MBNL1: variants seen among roughly 807,000 people sequenced by gnomAD.
MBNL1 encodes the protein muscleblind like splicing regulator 1.
Under a neutral mutation model 42.2 loss-of-function variants are expected in MBNL1, and 8 were observed. The observed-to-expected ratio is 0.19, with a 90% CI of 0.11 to 0.34. The LOEUF is 0.34. Ranked by LOEUF, MBNL1 falls within the 10% of genes least tolerant of loss-of-function variation. The probability of loss-of-function intolerance (pLI) is 1.00; values close to 1 mark genes in which losing one functional copy is unlikely to be tolerated. For synonymous variants in MBNL1, 169 were observed against 173.9 expected (o/e 0.97, Z 0.22); for missense variants, 309 against 495.3 (o/e 0.62, Z 3.57).
At chr3:152,360,044 C>A (rs2095824940) in intron 2 of MBNL1, among the ~76,000 whole-genome samples, 1 of 152,180 alleles carries the variant, frequency 6.6e-6, no homozygotes, top group Non-Finnish European at 1.5e-5. Flanking sequence ...TCAGTATATT[C>A]TTTTGGCTTT....
intron 4 of MBNL1, among the ~76,000 whole-genome samples, chr3:152,435,339 C>G (rs1251074324): frequency 6.6e-6 from 1 of 152,122 alleles, no homozygotes; most frequent in African/African-American, 2.4e-5. Context: ...TGTTGGAGAT[C>G]AAATGGTTGT....
intron 2 of MBNL1, among the ~76,000 whole-genome samples, chr3:152,375,485 C>T (rs373776948): frequency 2.2e-4 from 33 of 152,234 alleles, no homozygotes; most frequent in Admixed American, 1.7e-3. Flanking sequence ...TGTGGTGGCT[C>T]ATGCCTGTAA....
At chr3:152,449,676 GTC>G (rs932556021) in intron 6 of MBNL1, among the ~76,000 whole-genome samples, 1 of 152,114 alleles carries the variant, frequency 6.6e-6, no homozygotes, top group Non-Finnish European at 1.5e-5. Context: ...AATCAAACTT[GTC>G]TCTCTGTGCT....
intron 2 of MBNL1, among the ~76,000 whole-genome samples, chr3:152,368,480 TCTTGG>T (rs2153224600): frequency 1.3e-5 from 2 of 152,288 alleles, no homozygotes; most frequent in African/African-American, 4.8e-5. Context: ...CTTAGAATTG[TCTTGG>T]CTTATACAGG....
intron 2 of MBNL1, among the ~76,000 whole-genome samples, chr3:152,260,645 A>C (rs559145630): frequency 6.6e-6 from 1 of 152,314 alleles, no homozygotes; most frequent in South Asian, 2.1e-4. Context: ...GGGTGCTTAT[A>C]ATCACAATTT....
chr3:152,252,348 T>C (rs1158434138), intron 2 of MBNL1, among the ~76,000 whole-genome samples: 1 of 143,566 alleles, frequency 7.0e-6, no homozygotes, highest in Non-Finnish European at 1.5e-5. Context: ...ACAACACTCC[T>C]TTTACATACA....
chr3:152,461,535 A>T (rs2153984083), intron 9 of MBNL1, among the ~76,000 whole-genome samples: 1 of 152,320 alleles, frequency 6.6e-6, no homozygotes, highest in Non-Finnish European at 1.5e-5. Context: ...AAAATTTCTA[A>T]AAATAATTAG....
intron 2 of MBNL1, among the ~76,000 whole-genome samples, chr3:152,356,103 GT>G (rs1272551972): frequency 1.3e-5 from 2 of 151,852 alleles, no homozygotes; most frequent in African/African-American, 4.8e-5. Flanking sequence ...AATTTTCATG[GT>G]TTTATGAAAT....
intron 4 of MBNL1, among the ~76,000 whole-genome samples, chr3:152,434,018 C>T (rs1235991337): frequency 2.0e-5 from 3 of 152,140 alleles, no homozygotes; most frequent in Admixed American, 6.5e-5. Flanking sequence ...TGACCTTTTC[C>T]TCTTTTCCCT....
chr3:152,431,250 C>A (rs1036107828), intron 3 of MBNL1, among the ~76,000 whole-genome samples: 11 of 152,150 alleles, frequency 7.2e-5, no homozygotes, highest in African/African-American at 2.4e-4. Context: ...TAGTTCCCCT[C>A]CAGCTGTGAC....
chr3:152,294,540 T>G (rs1221447600), intron 1 of MBNL1, among the ~76,000 whole-genome samples: 1 of 152,142 alleles, frequency 6.6e-6, no homozygotes, highest in African/African-American at 2.4e-5. Context: ...TGCCTCGGCC[T>G]CCCAAAGTGC....
rs1387440299 is a variant in MBNL1, at chr3:152,462,566, A to G, written c.*200A>G. 6.6e-6 allele frequency: 1 copy of G among 152,180 alleles called. No homozygotes were observed. Among genetic ancestry groups the G allele is most frequent in the African/African-American group, 2.4e-5 (1 of 41,468 alleles). The allele number at this position is 152,180 out of a possible 1,614,324, so 9.4% of individuals were successfully genotyped here. A position where few individuals can be genotyped will look rare whatever the true frequency, so the allele number is the denominator to read the frequency against. ...GGAAATCCACTGCACACTGTTGCCT[A>G]TACACTTTGTACATTTAATTGATAT... On this transcript the variant is annotated 3_prime_UTR_variant, in exon 10 of 10. Coordinates refer to ENST00000324210, the MANE Select transcript of MBNL1 (RefSeq NM_021038.5).
chr3:152,362,517 A>G (rs911558949), intron 2 of MBNL1, among the ~76,000 whole-genome samples: 5 of 152,208 alleles, frequency 3.3e-5, no homozygotes, highest in African/African-American at 9.6e-5. Flanking sequence ...AAGGATGTCA[A>G]ATTGTTAAAT....
chr3:152,297,005 C>T (rs529723317), intron 1 of MBNL1, among the ~76,000 whole-genome samples: 2 of 152,034 alleles, frequency 1.3e-5, no homozygotes, highest in African/African-American at 4.8e-5. Context: ...GGCAGTATTA[C>T]GATATGGATG....
Position 152,355,644 on chromosome 3 carries a change from A to AT in MBNL1, c.174+55283dup, listed in dbSNP as rs1261292500. On this transcript the variant is annotated intron_variant, in intron 2 of 9. Transcript: ENST00000324210. Reference sequence around the variant, plus strand: ...GTATTTTTACAATTAGAAAAGTGTAATTTTTTATTAGTATGCAACAGATAT... The same window carrying AT: ...GTATTTTTACAATTAGAAAAGTGTAATTTTTTTATTAGTATGCAACAGATAT... Among the ~76,000 whole-genome samples, 12 of 152,266 alleles carry AT rather than the reference A, an allele frequency of 7.9e-5. No homozygotes were observed. In the East Asian group the frequency reaches 2.3e-3, roughly 29 times the overall value.
At chr3:152,276,286 T>C (rs543551397) in intron 1 of MBNL1, among the ~76,000 whole-genome samples, 1 of 152,272 alleles carries the variant, frequency 6.6e-6, no homozygotes, top group East Asian at 1.9e-4. Flanking sequence ...TAAGCTAAGG[T>C]TTATAATTAA....
chr3:152,327,596 G>T (rs1384331100), intron 2 of MBNL1, among the ~76,000 whole-genome samples: 1 of 152,090 alleles, frequency 6.6e-6, no homozygotes, highest in Non-Finnish European at 1.5e-5. Context: ...TGATCTGTCT[G>T]CCTTGGCCTC....
At chr3:152,317,504 T>C (rs928505949) in intron 2 of MBNL1, among the ~76,000 whole-genome samples, 2 of 151,958 alleles carry the variant, frequency 1.3e-5, no homozygotes, top group African/African-American at 4.8e-5. Flanking sequence ...ATTTTTTGTA[T>C]AGATGAGGTT....
At chr3:152,321,754 G>A (rs954192702) in intron 2 of MBNL1, among the ~76,000 whole-genome samples, 5 of 151,898 alleles carry the variant, frequency 3.3e-5, no homozygotes, top group Admixed American at 1.3e-4. Flanking sequence ...TTTTTCCTCA[G>A]TAATTCTGCC....
Sources: gnomAD v4.1 joint callset for allele counts (sites outside exome capture counted in the v4.1 genomes callset) on GRCh38, gnomAD v4.1.1 for gene constraint, MANE v1.5 for transcripts, NCBI Gene and HGNC (gene_info 2026-07-23, HGNC 2026-07-21) for gene names.